The following TEK variants were observed in gnomAD, a reference collection of about 807,000 sequenced individuals.
The protein encoded by TEK is TEK receptor tyrosine kinase, also known as angiopoietin-1 receptor.
Under a neutral mutation model 131.8 loss-of-function variants are expected in TEK, and 43 were observed. The observed-to-expected ratio is 0.33, with a 90% confidence interval of 0.26 to 0.42. TEK has a LOEUF of 0.42. Ranked by LOEUF, TEK falls within the 10% of genes least tolerant of loss-of-function variation. The probability of loss-of-function intolerance (pLI) is 1.00; values close to 1 mark genes in which losing one functional copy is unlikely to be tolerated. For synonymous variants in TEK, 580 were observed against 491.6 expected (o/e 1.18, Z -2.38); for missense variants, 1,162 against 1,384.4 (o/e 0.84, Z 2.55).
At chr9:27,177,181 G>A (rs1044450350) in intron 6 of TEK, among the ~76,000 whole-genome samples, 1 of 152,186 alleles carries the variant, frequency 6.6e-6, no homozygotes, top group Admixed American at 6.5e-5. Flanking sequence ...TTGAGATAGT[G>A]ATTTCATTTC....
At chr9:27,195,433 A>G (rs981379566) in intron 11 of TEK, among the ~76,000 whole-genome samples, 3 of 152,202 alleles carry the variant, frequency 2.0e-5, no homozygotes, top group Non-Finnish European at 4.4e-5. Flanking sequence ...AAATTTTAAT[A>G]CCACAGATAT....
chr9:27,215,492 C>T (rs1160238975), intron 18 of TEK, among the ~76,000 whole-genome samples: 3 of 151,904 alleles, frequency 2.0e-5, no homozygotes. Context: ...TAAAGATCCC[C>T]AGATGATTGA....
intron 14 of TEK, among the ~76,000 whole-genome samples, chr9:27,205,392 T>G (rs1825365923): frequency 6.6e-6 from 1 of 152,138 alleles, no homozygotes; most frequent in Non-Finnish European, 1.5e-5. Flanking sequence ...CAGAATAAAT[T>G]GAACATTTTT....
intron 1 of TEK, among the ~76,000 whole-genome samples, chr9:27,114,659 T>A (rs1214552017): frequency 6.6e-6 from 1 of 152,214 alleles, no homozygotes; most frequent in Non-Finnish European, 1.5e-5. Flanking sequence ...GATAATCAAT[T>A]TTATATATCT....
chr9:27,147,224 C>T (rs886472993), intron 1 of TEK, among the ~76,000 whole-genome samples: 1 of 152,096 alleles, frequency 6.6e-6, no homozygotes, highest in Non-Finnish European at 1.5e-5. Context: ...CTCTTTAGCA[C>T]TGGGTATTAT....
intron 2 of TEK, among the ~76,000 whole-genome samples, chr9:27,161,132 T>G (rs1823531468): frequency 6.6e-6 from 1 of 152,202 alleles, no homozygotes; most frequent in Non-Finnish European, 1.5e-5. Context: ...AAAAACCCGC[T>G]GTAATGATCC....
chr9:27,169,653 T>A, intron 4 of TEK, 24 bp downstream of exon 4: 1 of 1,613,770 alleles, frequency 6.2e-7, no homozygotes, highest in East Asian at 2.2e-5. Context: ...AGGCCACCAT[T>A]TGTGATGGTG....
intron 1 of TEK, among the ~76,000 whole-genome samples, chr9:27,114,354 C>T (rs932775811): frequency 3.9e-5 from 6 of 152,096 alleles, no homozygotes; most frequent in African/African-American, 9.7e-5. Context: ...GGGCAGATCA[C>T]GAGATCAGGA....
Position 27,180,313 on chromosome 9 carries a change from C to T in TEK, c.975C>T (p.Arg325=). 6.2e-7 allele frequency: 1 copy of T among 1,613,834 alleles called. No homozygotes were observed. The highest frequency in any genetic ancestry group is 8.5e-7 in the Non-Finnish European group (1 of 1,179,880). ...GCAACAATGGGGAGATGTGTGATCG[C>T]TTCCAAGGATGTCTCTGCTCTCCAG... ...CSCNNGEMCD[R]FQGCLCSPGW... is the part of the protein sequence containing the mutation. Residue 325 remains arginine (R), a synonymous_variant, in exon 7 of 23, where the codon CGC becomes CGT. Transcript: ENST00000380036.
intron 1 of TEK, among the ~76,000 whole-genome samples, chr9:27,114,664 A>G (rs1821480337): frequency 6.6e-6 from 1 of 152,242 alleles, no homozygotes; most frequent in Non-Finnish European, 1.5e-5. Flanking sequence ...TCAATTTTAT[A>G]TATCTTGTAA....
intron 1 of TEK, among the ~76,000 whole-genome samples, chr9:27,138,216 A>C (rs2027122): frequency 3.3e-5 from 5 of 151,958 alleles, no homozygotes; most frequent in Non-Finnish European, 5.9e-5. Context: ...AAGATTCCAC[A>C]GTGTGGAAGG....
At chr9:27,112,479 C>T (rs1001908210) in intron 1 of TEK, among the ~76,000 whole-genome samples, 1 of 152,200 alleles carries the variant, frequency 6.6e-6, no homozygotes, top group African/African-American at 2.4e-5. Context: ...TAGGTCTCAG[C>T]ATTTCCCTTT....
intron 11 of TEK, among the ~76,000 whole-genome samples, chr9:27,196,535 A>G (rs1262741876): frequency 2.6e-5 from 4 of 152,212 alleles, no homozygotes; most frequent in African/African-American, 9.7e-5. Context: ...ATTGCTATAA[A>G]GAAATACCTG....
At chr9:27,118,432 C>T (rs1324632146) in intron 1 of TEK, among the ~76,000 whole-genome samples, 3 of 151,976 alleles carry the variant, frequency 2.0e-5, no homozygotes, top group Admixed American at 6.5e-5. Flanking sequence ...CCAAGGAGTT[C>T]GAGACCATCC....
At chr9:27,151,198 T>A (rs1479671413) in intron 1 of TEK, among the ~76,000 whole-genome samples, 1 of 152,172 alleles carries the variant, frequency 6.6e-6, no homozygotes, top group Non-Finnish European at 1.5e-5. Flanking sequence ...CTCAGAGACT[T>A]ACTACATACA....
In TEK at chr9:27,172,617, A is replaced by T. The variant is rs757042677; in HGVS notation, c.630A>T (p.Arg210Ser). The T allele has an allele frequency of 2.5e-6, 4 of 1,613,354 alleles. No homozygotes were observed. The highest frequency in any genetic ancestry group is 2.5e-6 in the Non-Finnish European group (3 of 1,179,548). Reference protein sequence around the residue: ...TSAFTRLIVRRCEAQKWGPEC... With the variant: ...TSAFTRLIVRSCEAQKWGPEC... Reference sequence around the variant, plus strand: ...CAGCCTTGTTTTCCTTAACAAAAGGATGTGAAGCCCAGAAGTGGGGACCTG... The same window carrying T: ...CAGCCTTGTTTTCCTTAACAAAAGGTTGTGAAGCCCAGAAGTGGGGACCTG... Residue 210 changes from arginine (R) to serine (S), a missense_variant and splice_region_variant, in exon 5 of 23, where the codon AGA becomes AGT. Transcript: ENST00000380036.
chr9:27,150,580 C>A (rs113528900), intron 1 of TEK, among the ~76,000 whole-genome samples: 1 of 152,104 alleles, frequency 6.6e-6, no homozygotes, highest in Non-Finnish European at 1.5e-5. Flanking sequence ...CACTGCACTG[C>A]AGCCTGGGTG....
chr9:27,110,139 A>G (rs1821279921), intron 1 of TEK, among the ~76,000 whole-genome samples: 2 of 149,650 alleles, frequency 1.3e-5, no homozygotes, highest in East Asian at 3.9e-4. Context: ...TTATATCTAC[A>G]TCCTATTTTA....
intron 19 of TEK, among the ~76,000 whole-genome samples, chr9:27,218,485 C>G (rs1274194966): frequency 6.6e-6 from 1 of 152,146 alleles, no homozygotes; most frequent in Non-Finnish European, 1.5e-5. Context: ...GGATTTAACT[C>G]AGATCTGTCA....
Sources: gnomAD v4.1 joint callset for allele counts (sites outside exome capture counted in the v4.1 genomes callset) on GRCh38, gnomAD v4.1.1 for gene constraint, MANE v1.5 for transcripts, NCBI Gene and HGNC (gene_info 2026-07-23, HGNC 2026-07-21) for gene names.